The following HS6ST3 variants were observed in gnomAD, a reference collection of about 807,000 sequenced individuals.
HS6ST3 encodes the protein heparan sulfate 6-O-sulfotransferase 3.
In HS6ST3, 12 loss-of-function variants were observed where a neutral mutation model predicts 36.7. The observed-to-expected ratio is 0.33, with a 90% CI of 0.21 to 0.53. The LOEUF (loss-of-function observed/expected upper bound fraction) is 0.53, where lower values mean the gene tolerates loss of function less well. Among genes scored for constraint, HS6ST3 ranks in the 20% least tolerant of loss-of-function variants. HS6ST3 has a pLI of 0.95. For synonymous variants in HS6ST3, 240 were observed against 257.5 expected (o/e 0.93, Z 0.65); for missense variants, 584 against 640.9 (o/e 0.91, Z 0.96).
chr13:96,470,118 C>T (rs1041914463), intron 1 of HS6ST3, among the ~76,000 whole-genome samples: 2 of 151,864 alleles, frequency 1.3e-5, no homozygotes, highest in Admixed American at 6.6e-5. Context: ...TAAAAATCTC[C>T]CCATATTCAC....
At chr13:96,593,279 G>A (rs2056390078) in intron 1 of HS6ST3, among the ~76,000 whole-genome samples, 1 of 145,638 alleles carries the variant, frequency 6.9e-6, no homozygotes, top group African/African-American at 2.6e-5. Flanking sequence ...TGCCTCCTGG[G>A]ATCAAGTGAT....
At chr13:96,209,711 A>G (rs890386920) in intron 1 of HS6ST3, among the ~76,000 whole-genome samples, 6 of 152,082 alleles carry the variant, frequency 3.9e-5, no homozygotes, top group Admixed American at 6.6e-5. Flanking sequence ...TTTCAACCTT[A>G]GTCCAGCCTA....
chr13:96,113,523 A>G (rs1383467658), intron 1 of HS6ST3, among the ~76,000 whole-genome samples: 1 of 152,254 alleles, frequency 6.6e-6, no homozygotes, highest in Non-Finnish European at 1.5e-5. Context: ...CTAGAAAAAT[A>G]TTAACCTCAT....
intron 1 of HS6ST3, among the ~76,000 whole-genome samples, chr13:96,093,344 A>G (rs1325535662): frequency 6.6e-6 from 1 of 152,200 alleles, no homozygotes; most frequent in Non-Finnish European, 1.5e-5. Flanking sequence ...GAATAATGTT[A>G]CTACAGACCC....
intron 1 of HS6ST3, among the ~76,000 whole-genome samples, chr13:96,778,032 C>A (rs539723106): frequency 1.6e-4 from 24 of 152,078 alleles, no homozygotes; most frequent in Non-Finnish European, 2.6e-4. Context: ...CATCTACAAC[C>A]ATCTGATCTT....
At chr13:96,499,408 T>G (rs564179650) in intron 1 of HS6ST3, among the ~76,000 whole-genome samples, 2 of 152,146 alleles carry the variant, frequency 1.3e-5, no homozygotes, top group Admixed American at 6.5e-5. Flanking sequence ...GATACAGATA[T>G]GAACAAAAGA....
intron 1 of HS6ST3, among the ~76,000 whole-genome samples, chr13:96,240,298 T>A (rs2054554001): frequency 6.6e-6 from 1 of 152,060 alleles, no homozygotes; most frequent in Non-Finnish European, 1.5e-5. Context: ...ATTGAGAAAT[T>A]AAAAGCATCA....
At position 96,090,221 on chromosome 13, in the gene HS6ST3, G is replaced by A. The variant is rs1019675259; in HGVS notation, c.-642G>A. On this transcript the variant is annotated 5_prime_UTR_variant, in exon 1 of 2. Transcript: ENST00000376705. ...GCGACTCGCCGGGAGAGGCGTCTCC[G>A]CAGAGGCGCCTCGCCCGCTGCCGCT... Among the ~76,000 whole-genome samples the A allele has an allele frequency of 4.6e-4, 69 of 151,356 alleles. No homozygotes were observed. The highest frequency in any genetic ancestry group is 1.5e-5 in the Non-Finnish European group (1 of 67,502).
At chr13:96,701,194 CACA>C (rs1875276261) in intron 1 of HS6ST3, among the ~76,000 whole-genome samples, 1 of 152,188 alleles carries the variant, frequency 6.6e-6, no homozygotes, top group South Asian at 2.1e-4. Context: ...TTACCAAAGT[CACA>C]ACATTTCTAT....
chr13:96,202,493 T>C (rs1317112424), intron 1 of HS6ST3, among the ~76,000 whole-genome samples: 1 of 152,210 alleles, frequency 6.6e-6, no homozygotes, highest in East Asian at 1.9e-4. Flanking sequence ...CATCCCACCA[T>C]GCCGTGGCTT....
intron 1 of HS6ST3, among the ~76,000 whole-genome samples, chr13:96,415,296 C>T (rs555849623): frequency 2.2e-4 from 34 of 152,236 alleles, no homozygotes; most frequent in South Asian, 1.5e-3. Context: ...ACTCCGTTGC[C>T]GGTGAAATCA....
At chr13:96,290,646 C>T (rs1846584079) in intron 1 of HS6ST3, among the ~76,000 whole-genome samples, 1 of 152,174 alleles carries the variant, frequency 6.6e-6, no homozygotes, top group African/African-American at 2.4e-5. Context: ...TACCTCTACT[C>T]TCTTCCCACT....
chr13:96,138,709 A>G (rs2054015033), intron 1 of HS6ST3, among the ~76,000 whole-genome samples: 1 of 152,080 alleles, frequency 6.6e-6, no homozygotes, highest in Non-Finnish European at 1.5e-5. Context: ...AGTGGATAGT[A>G]AAATAAATTA....
intron 1 of HS6ST3, among the ~76,000 whole-genome samples, chr13:96,175,570 C>T (rs2054208813): frequency 6.6e-6 from 1 of 150,838 alleles, no homozygotes; most frequent in African/African-American, 2.4e-5. Flanking sequence ...TAGATAGTTG[C>T]AGGATCTGAA....
At chr13:96,404,367 AT>A (rs1046810434) in intron 1 of HS6ST3, among the ~76,000 whole-genome samples, 3 of 152,192 alleles carry the variant, frequency 2.0e-5, no homozygotes, top group African/African-American at 7.2e-5. Flanking sequence ...AGCCTAATGT[AT>A]TCTCAAGAGG....
At chr13:96,697,846 C>G (rs1335754906) in intron 1 of HS6ST3, among the ~76,000 whole-genome samples, 1 of 152,068 alleles carries the variant, frequency 6.6e-6, no homozygotes, top group Non-Finnish European at 1.5e-5. Flanking sequence ...TACAATGGTA[C>G]AATGCCTTTT....
chr13:96,100,330 T>C (rs1036801809), intron 1 of HS6ST3, among the ~76,000 whole-genome samples: 1 of 152,110 alleles, frequency 6.6e-6, no homozygotes, highest in Non-Finnish European at 1.5e-5. Flanking sequence ...TTTTAAAGTA[T>C]TGGTAGCTTT....
At chr13:96,242,060 C>T (rs544303188) in intron 1 of HS6ST3, among the ~76,000 whole-genome samples, 41 of 152,014 alleles carry the variant, frequency 2.7e-4, no homozygotes, top group Non-Finnish European at 5.3e-4. Context: ...GCTGAGATTA[C>T]AGGCGTGAGC....
At chr13:96,098,527 A>C (rs1042969220) in intron 1 of HS6ST3, among the ~76,000 whole-genome samples, 4 of 152,206 alleles carry the variant, frequency 2.6e-5, no homozygotes, top group Admixed American at 6.5e-5. Flanking sequence ...AATGTTTAAA[A>C]GCATGGACCC....
Sources: gnomAD v4.1 joint callset for allele counts (sites outside exome capture counted in the v4.1 genomes callset) on GRCh38, gnomAD v4.1.1 for gene constraint, MANE v1.5 for transcripts, NCBI Gene and HGNC (gene_info 2026-07-23, HGNC 2026-07-21) for gene names.